TNRC6A: variants seen among roughly 807,000 people sequenced by gnomAD.
TNRC6A encodes the protein trinucleotide repeat-containing gene 6A protein.
In TNRC6A, 44 loss-of-function variants were observed where a neutral mutation model predicts 221.2. That is an observed-to-expected ratio of 0.20 (90% CI 0.16 to 0.26). TNRC6A has a LOEUF of 0.26. Ranked by LOEUF, TNRC6A falls within the 10% of genes least tolerant of loss-of-function variation. The pLI is 1.00. For missense variants in TNRC6A, 2,199 were observed against 2,404.4 expected (o/e 0.91, Z 1.79); for synonymous variants, 847 against 838.5 (o/e 1.01, Z -0.18).
intron 2 of TNRC6A, among the ~76,000 whole-genome samples, chr16:24,675,706 A>G (rs368943098): frequency 7.1e-5 from 3 of 42,422 alleles, no homozygotes; most frequent in African/African-American, 3.0e-4. Context: ...CTCTCTCTAT[A>G]TATATATATA....
intron 2 of TNRC6A, among the ~76,000 whole-genome samples, chr16:24,713,556 T>C (rs1216663040): frequency 6.6e-6 from 1 of 152,224 alleles, no homozygotes; most frequent in African/African-American, 2.4e-5. Flanking sequence ...TCTGCTGTCA[T>C]CCTTACCTTT....
At chr16:24,750,553 G>A (rs1157357873) in intron 2 of TNRC6A, among the ~76,000 whole-genome samples, 173 bp from the exon 3 acceptor site, 1 of 152,184 alleles carries the variant, frequency 6.6e-6, no homozygotes, top group African/African-American at 2.4e-5. Flanking sequence ...GTACCATATA[G>A]TGGCTATATA....
At chr16:24,730,842 CT>C (rs2056621602) in intron 2 of TNRC6A, among the ~76,000 whole-genome samples, 1 of 139,702 alleles carries the variant, frequency 7.2e-6, no homozygotes, top group Admixed American at 8.3e-5. Context: ...TTTTGTTTTC[CT>C]TCGAAACTCC....
Position 24,791,821 on chromosome 16 carries a change from A to G in TNRC6A, c.3175+4A>G, listed in dbSNP as rs1256643036. On this transcript the variant is annotated splice_donor_region_variant and intron_variant, in intron 6 of 24. Coordinates refer to ENST00000395799, the MANE Select transcript of TNRC6A (RefSeq NM_014494.4). ...AAAGAGGCAAGCAGTGGCTCTGGTA[A>G]GTTTCTATTTTATGAAATCAAGCCT... The G allele has an allele frequency of 1.3e-6, 2 of 1,514,716 alleles. No individual in the cohort carries two copies. Among genetic ancestry groups the G allele is most frequent in the Non-Finnish European group, 1.8e-6 (2 of 1,136,890 alleles). 93.8% of individuals were successfully genotyped at this position (1,514,716 alleles called of 1,614,324 possible). A position where few individuals can be genotyped will look rare whatever the true frequency, so the allele number is the denominator to read the frequency against.
At chr16:24,633,798 TTC>T (rs1344704428) in intron 1 of TNRC6A, among the ~76,000 whole-genome samples, 2 of 149,672 alleles carry the variant, frequency 1.3e-5, no homozygotes, top group African/African-American at 5.0e-5. Flanking sequence ...TTTTTTTTTT[TTC>T]GAGACGAAGT....
intron 2 of TNRC6A, among the ~76,000 whole-genome samples, chr16:24,708,600 G>A (rs1046346466): frequency 6.6e-6 from 1 of 152,050 alleles, no homozygotes; most frequent in African/African-American, 2.4e-5. Flanking sequence ...CCCTAGCAGT[G>A]TACAGTGTAC....
At chr16:24,785,744 T>C (rs749953432) in intron 5 of TNRC6A, among the ~76,000 whole-genome samples, 3 of 152,210 alleles carry the variant, frequency 2.0e-5, no homozygotes, top group Non-Finnish European at 4.4e-5. Flanking sequence ...TTTGGGTAGT[T>C]TTGTTTTCGA....
At chr16:24,770,487 A>G (rs2057567659) in intron 4 of TNRC6A, among the ~76,000 whole-genome samples, 1 of 152,210 alleles carries the variant, frequency 6.6e-6, no homozygotes, top group Admixed American at 6.5e-5. Context: ...TTGGAGACAC[A>G]GGATGCATTT....
chr16:24,781,114 G>T (rs1001193261), intron 5 of TNRC6A, among the ~76,000 whole-genome samples: 1 of 137,502 alleles, frequency 7.3e-6, no homozygotes, highest in African/African-American at 2.8e-5. Context: ...GAGTGCAGTG[G>T]CATGAACACG....
intron 2 of TNRC6A, among the ~76,000 whole-genome samples, chr16:24,641,452 G>A (rs1287258959): frequency 6.6e-6 from 1 of 152,170 alleles, no homozygotes; most frequent in Admixed American, 6.5e-5. Context: ...AAGAGGAAGA[G>A]CTGGTAGGAG....
chr16:24,776,923 T>C lies in TNRC6A; in HGVS notation c.164-10T>C, dbSNP rs2057730415. 1 of 1,601,900 alleles carries C rather than the reference T, an allele frequency of 6.2e-7. No homozygotes were observed. Among genetic ancestry groups the C allele is most frequent in the African/African-American group, 1.3e-5 (1 of 74,744 alleles). ...AATCTTTTCCACCCCTTTTCTTTTG[T>C]TGGGATTAGTGCCAGAACAGATAAA... is the stretch of plus-strand genomic sequence containing the variant. On this transcript the variant is annotated splice_polypyrimidine_tract_variant and intron_variant, in intron 4 of 24. Coordinates refer to ENST00000395799, the MANE Select transcript of TNRC6A (RefSeq NM_014494.4).
At chr16:24,707,075 G>A (rs1014848039) in intron 2 of TNRC6A, among the ~76,000 whole-genome samples, 60 of 151,514 alleles carry the variant, frequency 4.0e-4, no homozygotes, top group African/African-American at 1.2e-3. Context: ...AACTCATTGC[G>A]GTCTCTGTCT....
At chr16:24,814,419 T>TTCTTTTTTTTTTC in intron 18 of TNRC6A, among the ~76,000 whole-genome samples, 8 of 143,690 alleles carry the variant, frequency 5.6e-5, no homozygotes, top group African/African-American at 2.1e-4. Flanking sequence ...CTTTTTTTTT[T>TTCTTTTTTTTTTC]TTTTTTTGGA....
At chr16:24,806,911 A>C in intron 17 of TNRC6A, 127 bp downstream of exon 17, 1 of 884,398 alleles carries the variant, frequency 1.1e-6, no homozygotes, top group Non-Finnish European at 1.8e-6. Context: ...GTTCCCTCTC[A>C]GAGAGTTGCC....
upstream of TNRC6A, among the ~76,000 whole-genome samples, chr16:24,725,032 C>T (rs949928190): frequency 6.6e-6 from 1 of 152,090 alleles, no homozygotes; most frequent in African/African-American, 2.4e-5. Flanking sequence ...TCAAAAGCCA[C>T]AGGAACAAAG....
intron 2 of TNRC6A, among the ~76,000 whole-genome samples, chr16:24,680,809 G>T (rs1208447883): frequency 1.3e-5 from 2 of 151,618 alleles, no homozygotes; most frequent in African/African-American, 4.9e-5. Flanking sequence ...ACCCATGCTG[G>T]ACTGCAATGG....
In TNRC6A at chr16:24,789,394, C is replaced by T; in HGVS notation, c.752C>T (p.Ser251Leu). The part of the protein sequence containing the change: ...SAPGSDPELA[S>L]ECMDADSASS... ...CCTGGCAGTGATCCGGAGTTGGCTT[C>T]AGAATGTATGGATGCTGATTCTGCC... The change falls in exon 6 of 25, where the codon TCA becomes TTA. Residue 251 changes from serine (S) to leucine (L), a missense_variant. By Grantham distance (145) the Ser-to-Leu change is moderately radical. This residue lies in a region of TNRC6A where 1,405 missense variants were observed against 1,400.2 expected (regional missense o/e 1.00). Transcript: ENST00000395799. 3.7e-6 allele frequency: 6 copies of T among 1,614,210 alleles called. No homozygotes were observed. Among genetic ancestry groups the T allele is most frequent in the Non-Finnish European group, 4.2e-6 (5 of 1,180,042 alleles).
chr16:24,757,679 A>G (rs1555500002), intron 3 of TNRC6A, among the ~76,000 whole-genome samples: 2 of 152,344 alleles, frequency 1.3e-5, no homozygotes, highest in Non-Finnish European at 2.9e-5. Context: ...GGAAGAGCAG[A>G]CATTGGAAGG....
intron 2 of TNRC6A, among the ~76,000 whole-genome samples, chr16:24,645,866 A>AAAAAAAAAAAC (rs1281662633): frequency 6.9e-6 from 1 of 145,796 alleles, no homozygotes; most frequent in Non-Finnish European, 1.5e-5. Flanking sequence ...AAAAAAAAAA[A>AAAAAAAAAAAC]ATTAGCAGGC....
Sources: gnomAD v4.1 joint callset for allele counts (sites outside exome capture counted in the v4.1 genomes callset) on GRCh38, gnomAD v4.1.1 for gene constraint, gnomAD v4.1.1 regional missense constraint, MANE v1.5 for transcripts, NCBI Gene and HGNC (gene_info 2026-07-23, HGNC 2026-07-21) for gene names.